Variants in ZMYM6 observed in about 807,000 individuals in gnomAD.
ZMYM6 encodes zinc finger MYM-type protein 6.
ZMYM6 carries 90 observed loss-of-function variants against 134.0 expected under a neutral mutation model. That is an observed-to-expected ratio of 0.67 (90% CI 0.57 to 0.80). The LOEUF (loss-of-function observed/expected upper bound fraction) is 0.80. ZMYM6 is among the 30% of genes least tolerant of loss of function. The pLI, the probability that ZMYM6 is intolerant of heterozygous loss-of-function variation, is 0.00. For synonymous variants in ZMYM6, 481 were observed against 524.1 expected (o/e 0.92, Z 1.12); for missense variants, 1,362 against 1,533.9 (o/e 0.89, Z 1.87).
chr1:35,031,196 G>A (rs1052222645), intron 1 of ZMYM6: 5 of 152,436 alleles, frequency 3.3e-5, no homozygotes, highest in African/African-American at 9.7e-5. Context: ...CCTAACGCTA[G>A]ATGTGAGCTC....
In ZMYM6 at chr1:35,020,420, T is replaced by C; in HGVS notation, c.141A>G (p.Lys47=). The C allele has an allele frequency of 6.2e-7, 1 of 1,612,960 alleles. No homozygotes were observed. Residue 47 remains lysine, a synonymous_variant, in exon 3 of 16, where the codon AAA becomes AAG. Transcript: ENST00000357182. The stretch of plus-strand genomic sequence containing the variant: ...CATTAACTGAAGACACACCACCAAT[T>C]TTCAATTTACTTTCTTGAGTTTTTG... The part of the protein sequence containing the change: ...QQPKTQESKL[K]IGGVSSVNER...
chr1:35,015,510 G>T (rs1641165750), intron 4 of ZMYM6, among the ~76,000 whole-genome samples: 1 of 151,734 alleles, frequency 6.6e-6, no homozygotes, highest in African/African-American at 2.4e-5. Context: ...CGGATCATGA[G>T]GTCAGGAGTT....
chr1:35,005,097 A>G, intron 13 of ZMYM6, 35 bp downstream of exon 13: 1 of 1,612,236 alleles, frequency 6.2e-7, no homozygotes, highest in Middle Eastern at 1.7e-4. Context: ...ACTCACTTCT[A>G]TGGCTTAGCC....
chr1:35,022,334 C>T (rs750201590), intron 2 of ZMYM6, among the ~76,000 whole-genome samples: 3 of 152,008 alleles, frequency 2.0e-5, no homozygotes, highest in Non-Finnish European at 4.4e-5. Flanking sequence ...GCAATGGTGC[C>T]ATCTCGGCTC....
At chr1:35,016,125 AT>A (rs1403044221) in intron 4 of ZMYM6, among the ~76,000 whole-genome samples, 1 of 151,680 alleles carries the variant, frequency 6.6e-6, no homozygotes, top group East Asian at 1.9e-4. Flanking sequence ...TAATTTTTGT[AT>A]TTTTAGTACA....
intron 6 of ZMYM6, among the ~76,000 whole-genome samples, chr1:35,014,114 G>A (rs1441805380): frequency 3.9e-5 from 6 of 152,160 alleles, no homozygotes; most frequent in Non-Finnish European, 7.3e-5. Context: ...AAAATTACTT[G>A]AAGTATTCTC....
At chr1:34,995,066 AATAT>A (rs200117444) in intron 14 of ZMYM6, among the ~76,000 whole-genome samples, 6 of 105,434 alleles carry the variant, frequency 5.7e-5, no homozygotes, top group East Asian at 5.3e-4. Flanking sequence ...ATATATATGT[AATAT>A]ATATACTTAC....
intron 2 of ZMYM6, among the ~76,000 whole-genome samples, chr1:35,023,489 T>C (rs905844896): frequency 6.6e-6 from 1 of 152,220 alleles, no homozygotes; most frequent in Non-Finnish European, 1.5e-5. Flanking sequence ...TCTAAGTCTA[T>C]TCAATCCAAA....
Position 34,988,537 on chromosome 1 carries a change from C to A in ZMYM6, c.2545G>T (p.Ala849Ser). ...AAATATGGTTTAATTAATTCTTCAG[C>A]AATGGAGAATGGCTTCTTGCTTGCA... ...TAASKKPFSI[A>S]EELIKPYLVE... Residue 849 changes from alanine to serine, a missense_variant, in exon 16 of 16, where the codon GCT (alanine) becomes TCT (serine). Physicochemically the swap from Ala to Ser is moderately conservative, Grantham distance 99. Coordinates refer to ENST00000357182, the MANE Select transcript of ZMYM6 (RefSeq NM_007167.4). 1.3e-6 allele frequency: 2 copies of A among 1,551,246 alleles called. No homozygotes were observed. Among genetic ancestry groups the A allele is most frequent in the South Asian group, 2.4e-5 (2 of 83,922 alleles).
Position 35,007,218 on chromosome 1 carries a change from G to A in ZMYM6, c.1666-120C>T, listed in dbSNP as rs142553064. The A allele has an allele frequency of 4.3e-4, 409 of 944,270 alleles. 6 individuals are homozygous for A. The South Asian group carries it at 9.3e-3, about 22-fold the overall frequency. 58.5% of individuals were successfully genotyped at this position (944,270 alleles called of 1,614,324 possible). On this transcript the variant is annotated intron_variant, in intron 11 of 15. Transcript: ENST00000357182. ...TATGAGTCAGTTGAGACTACAAAAT[G>A]TAAGGTTCTTACCTTAAAATACTGA...
At chr1:35,027,418 G>C (rs973632802) in intron 2 of ZMYM6, among the ~76,000 whole-genome samples, 1 of 152,172 alleles carries the variant, frequency 6.6e-6, no homozygotes, top group Non-Finnish European at 1.5e-5. Flanking sequence ...GAAGGAAGGA[G>C]AATAGGTAGG....
intron 6 of ZMYM6, chr1:35,013,130 C>T (rs1641115446): frequency 1.2e-6 from 1 of 857,806 alleles, no homozygotes. Flanking sequence ...ATTTACATAA[C>T]CAATATTATA....
chr1:35,022,962 C>A (rs1641337755), intron 2 of ZMYM6, among the ~76,000 whole-genome samples: 1 of 152,016 alleles, frequency 6.6e-6, no homozygotes, highest in Admixed American at 6.6e-5. Flanking sequence ...GTTTCAATTT[C>A]TTTATCTGTA....
chr1:34,988,725 G>C lies in ZMYM6; in HGVS notation c.2357C>G (p.Ser786Cys). 6.4e-7 allele frequency: 1 copy of C among 1,551,338 alleles called. No homozygotes were observed. Among genetic ancestry groups the C allele is most frequent in the African/African-American group, 1.4e-5 (1 of 73,174 alleles). The change falls in exon 16 of 16, where the codon TCT becomes TGT. Residue 786 changes from serine (S) to cysteine (C), a missense_variant. Transcript: ENST00000357182. ...SSENMKPANL[S>C]HHLKTKHSEL... is the part of the protein sequence containing the mutation. ...TGAATGTTTTGTCTTCAAATGATGA[G>C]AAAGATTTGCTGGCTTCATGTTTTC... is the stretch of plus-strand genomic sequence containing the variant.
At chr1:35,021,279 T>C (rs540854540) in intron 2 of ZMYM6, among the ~76,000 whole-genome samples, 3 of 151,856 alleles carry the variant, frequency 2.0e-5, no homozygotes, top group Admixed American at 6.6e-5. Flanking sequence ...TAGCTGGGAA[T>C]ACAGGCTTGC....
At chr1:34,998,215 T>C (rs776874676) in intron 14 of ZMYM6, among the ~76,000 whole-genome samples, 11 of 151,660 alleles carry the variant, frequency 7.3e-5, no homozygotes, top group South Asian at 2.1e-4. Context: ...GAGGCGGAGG[T>C]TGAAATGAGC....
At chr1:35,019,238 G>T (rs1471690919) in intron 4 of ZMYM6, 115 bp downstream of exon 4, 2 of 1,445,452 alleles carry the variant, frequency 1.4e-6, no homozygotes, top group African/African-American at 2.9e-5. Flanking sequence ...TAACTAAAAA[G>T]TTATTTCTAC....
chr1:34,988,354 G>C lies in ZMYM6; in HGVS notation c.2728C>G (p.Leu910Val). The change falls in exon 16 of 16, where the codon CTT becomes GTT. Residue 910 changes from leucine to valine, a missense_variant. By Grantham distance (32) the Leu-to-Val change is conservative. Coordinates refer to ENST00000357182, the MANE Select transcript of ZMYM6 (RefSeq NM_007167.4). The stretch of plus-strand genomic sequence containing the variant: ...ATTTCTGATGACTCATCTATCTGAA[G>C]GGCAAACCACTTTGACTCTCTGACC... ...QKVRESKWFA[L>V]QIDESSEISN... The C allele has an allele frequency of 6.4e-7, 1 of 1,551,550 alleles. No homozygotes were observed. The highest frequency in any genetic ancestry group is 8.7e-7 in the Non-Finnish European group (1 of 1,146,942).
intron 14 of ZMYM6, among the ~76,000 whole-genome samples, chr1:34,997,461 C>T (rs1218938094): frequency 1.3e-5 from 2 of 152,148 alleles, no homozygotes; most frequent in African/African-American, 4.8e-5. Flanking sequence ...TGTGCCAACA[C>T]ATTCAGCTAA....
Sources: allele counts gnomAD v4.1 joint callset (sites outside exome capture counted in the v4.1 genomes callset), GRCh38; gene constraint gnomAD v4.1.1; transcripts MANE v1.5; gene names NCBI Gene and HGNC (gene_info 2026-07-23, HGNC 2026-07-21).